Variants in KAT6A observed in about 807,000 individuals in gnomAD.
The protein encoded by KAT6A is lysine acetyltransferase 6A, also known as histone acetyltransferase KAT6A.
KAT6A carries 9 observed loss-of-function variants against 198.4 expected under a neutral mutation model. The ratio of observed to expected loss-of-function variants is 0.05; its 90% CI spans 0.03 to 0.08. KAT6A has a LOEUF of 0.08. Among genes scored for constraint, KAT6A ranks in the 10% least tolerant of loss-of-function variants. The probability of loss-of-function intolerance (pLI) is 1.00; values close to 1 mark genes in which losing one functional copy is unlikely to be tolerated. For synonymous variants in KAT6A, 890 were observed against 883.0 expected, an observed-to-expected ratio of 1.01 and a Z score of -0.14; for missense variants, 2,077 against 2,509.9, an observed-to-expected ratio of 0.83 and a Z score of 3.69.
chr8:41,973,595 C>CA (rs1823907408), intron 8 of KAT6A, among the ~76,000 whole-genome samples: 1 of 152,034 alleles, frequency 6.6e-6, no homozygotes. Flanking sequence ...AAGGAAAAGA[C>CA]AAAAAATAAA....
At position 41,934,584 on chromosome 8, in the gene KAT6A, C is replaced by T. The variant is rs1429900972; in HGVS notation, c.3636G>A (p.Glu1212=). The change falls in exon 17 of 17, where the codon GAG becomes GAA. Residue 1212 remains glutamate, a synonymous_variant. Transcript: ENST00000265713. The part of the protein sequence containing the change: ...PKIQESEETV[E]PKEDMPLPEE... Reference sequence around the variant, plus strand: ...CGGGTAGGGGCATGTCTTCTTTTGGCTCAACAGTTTCTTCACTCTCCTGGA... The same window carrying T: ...CGGGTAGGGGCATGTCTTCTTTTGGTTCAACAGTTTCTTCACTCTCCTGGA... 2 of 1,614,098 alleles carry T rather than the reference C, an allele frequency of 1.2e-6. No homozygotes were observed. The highest frequency in any genetic ancestry group is 2.7e-5 in the African/African-American group (2 of 75,020).
At chr8:42,044,302 T>C (rs1827803554) in intron 2 of KAT6A, among the ~76,000 whole-genome samples, 1 of 152,048 alleles carries the variant, frequency 6.6e-6, no homozygotes, top group Non-Finnish European at 1.5e-5. Flanking sequence ...TTTCACCATA[T>C]TGGCCAGGCT....
chr8:42,049,358 A>G (rs1802480021), intron 1 of KAT6A, 56 bp from the exon 2 acceptor site: 3 of 243,442 alleles, frequency 1.2e-5, no homozygotes, highest in South Asian at 2.6e-4. Flanking sequence ...TCGAATGAAA[A>G]TAAGCATCCT....
At chr8:41,998,105 A>C (rs1825310714) in intron 2 of KAT6A, among the ~76,000 whole-genome samples, 1 of 152,156 alleles carries the variant, frequency 6.6e-6, no homozygotes, top group Non-Finnish European at 1.5e-5. Flanking sequence ...GGGCATTTTA[A>C]CATAACATAA....
At chr8:41,937,020 A>G (rs1455968773) in intron 16 of KAT6A, among the ~76,000 whole-genome samples, 1 of 152,248 alleles carries the variant, frequency 6.6e-6, no homozygotes, top group Non-Finnish European at 1.5e-5. Context: ...ACAGTTGCCT[A>G]ATAGTAAGAT....
At position 41,933,180 on chromosome 8, in the gene KAT6A, TTGCGGCTGCTGC is replaced by T. The variant is rs1356173240; in HGVS notation, c.5028_5039del (p.Gln1681_Gln1684del). 1.9e-6 allele frequency: 3 copies of T among 1,587,404 alleles called. No individual in the cohort carries two copies. Among genetic ancestry groups the T allele is most frequent in the East Asian group, 2.3e-5 (1 of 44,282 alleles). On this transcript the variant is annotated inframe_deletion, in exon 17 of 17. Transcript: ENST00000265713. This position sits in a 1 kb window ranked among gnomAD's most constrained non-coding sequence, Gnocchi z 6.2. ...GCTGGGGCTGAGGCTGCGGCTGCTG[TTGCGGCTGCTGC>T]TGGGGTGGTGGAGGCTGTGGTGCTG...
chr8:41,946,234 T>TGGA (rs953346969), intron 12 of KAT6A, among the ~76,000 whole-genome samples: 6 of 151,992 alleles, frequency 3.9e-5, no homozygotes, highest in Admixed American at 6.6e-5. Context: ...CCTGAGTAGG[T>TGGA]GGAACCCTAG....
At chr8:41,975,759 CACT>C (rs1387955438) in intron 7 of KAT6A, among the ~76,000 whole-genome samples, 2 of 152,132 alleles carry the variant, frequency 1.3e-5, no homozygotes, top group African/African-American at 2.4e-5. Flanking sequence ...ACGCTCACAC[CACT>C]GTCAAAAATT....
chr8:41,978,846 T>G (rs1824204293), intron 5 of KAT6A, 69 bp from the exon 6 acceptor site: 9 of 1,447,344 alleles, frequency 6.2e-6, no homozygotes, highest in Non-Finnish European at 8.6e-6. Context: ...TCAGATAGTC[T>G]TAAGTCAGGA....
At chr8:42,029,719 A>G (rs1187075440) in intron 2 of KAT6A, among the ~76,000 whole-genome samples, 1 of 151,810 alleles carries the variant, frequency 6.6e-6, no homozygotes, top group Admixed American at 6.6e-5. Context: ...TGGTCTCCCA[A>G]AATGCTGGGA....
chr8:42,006,858 T>G (rs906397792), intron 2 of KAT6A, among the ~76,000 whole-genome samples: 3 of 151,940 alleles, frequency 2.0e-5, no homozygotes, highest in African/African-American at 7.3e-5. Context: ...TAGCTGGGCA[T>G]GGTGATGCAC....
intron 2 of KAT6A, among the ~76,000 whole-genome samples, chr8:42,044,777 G>T (rs1381934171): frequency 6.6e-6 from 1 of 152,224 alleles, no homozygotes; most frequent in Non-Finnish European, 1.5e-5. Flanking sequence ...CTGGCCCACA[G>T]TAGGTGCTCA....
At chr8:41,940,735 C>T (rs993101674) in intron 15 of KAT6A, 107 bp downstream of exon 15, 7 of 1,343,700 alleles carry the variant, frequency 5.2e-6, no homozygotes, top group African/African-American at 4.4e-5. Flanking sequence ...TAAAGCAATG[C>T]ACTAGGAATT....
intron 1 of KAT6A, among the ~76,000 whole-genome samples, chr8:42,051,626 CGCGAGCGCGGGGCCG>C (rs1432269200): frequency 6.9e-6 from 1 of 145,110 alleles, no homozygotes; most frequent in Non-Finnish European, 1.5e-5. Context: ...GCGCGGGGCC[CGCGAGCGCGGGGCCG>C]GGCGGCGGCG....
rs371465033 is a variant in KAT6A at position 42,040,856 on chromosome 8, G to A, written c.600+7522C>T. On this transcript the variant is annotated intron_variant, in intron 2 of 16. Coordinates refer to ENST00000265713, the MANE Select transcript of KAT6A (RefSeq NM_006766.5). ...AGTAGCTCAGTAGCTTTATTTCGAG[G>A]TATGTCATGCACTGAAAATTACCAA... Among the ~76,000 whole-genome samples, 44 of 151,750 alleles carry A rather than the reference G, an allele frequency of 2.9e-4. 1 individual carries two copies. In the South Asian group the frequency reaches 6.7e-3, roughly 23 times the overall value.
intron 2 of KAT6A, among the ~76,000 whole-genome samples, chr8:42,018,501 A>G (rs1031779970): frequency 6.6e-6 from 1 of 152,212 alleles, no homozygotes; most frequent in African/African-American, 2.4e-5. Flanking sequence ...AACAAGAGCA[A>G]AACTATCTCA....
intron 14 of KAT6A, chr8:41,942,217 A>C (rs1020365983): frequency 1.8e-5 from 4 of 217,092 alleles, no homozygotes; most frequent in African/African-American, 9.0e-5. Flanking sequence ...CTGTGTGTCC[A>C]CAGGATGTTT....
At chr8:42,040,735 C>CAAAAAAAAAAAAAAAAAAAAAAAAAAAA (rs59959496) in intron 2 of KAT6A, among the ~76,000 whole-genome samples, 1 of 54,666 alleles carries the variant, frequency 1.8e-5, no homozygotes, top group Non-Finnish European at 3.3e-5. Context: ...GACTCTGTCT[C>CAAAAAAAAAAAAAAAAAAAAAAAAAAAA]AAAAAAAAAA....
At chr8:42,051,058 C>G (rs1182598479) in intron 1 of KAT6A, among the ~76,000 whole-genome samples, 1 of 152,162 alleles carries the variant, frequency 6.6e-6, no homozygotes, top group East Asian at 1.9e-4. Context: ...GGGCGCTGCA[C>G]CGTTTCCACG....
Sources: gnomAD v4.1 joint callset for allele counts (sites outside exome capture counted in the v4.1 genomes callset) on GRCh38, gnomAD v4.1.1 for gene constraint, Gnocchi (gnomAD v3.1) non-coding constraint, MANE v1.5 for transcripts, NCBI Gene and HGNC (gene_info 2026-07-23, HGNC 2026-07-21) for gene names.